AGBL1: variants seen among roughly 807,000 people sequenced by gnomAD.
AGBL1 encodes AGBL carboxypeptidase 1.
Under a neutral mutation model 118.9 loss-of-function variants are expected in AGBL1, and 130 were observed. The observed-to-expected ratio is 1.09, with a 90% CI of 0.95 to 1.26. The LOEUF (loss-of-function observed/expected upper bound fraction) is 1.26, where lower values mean the gene tolerates loss of function less well. Ranked by LOEUF, AGBL1 falls within the 50% of genes most tolerant of loss-of-function variation. AGBL1 has a pLI of 0.00. For missense variants in AGBL1, 1,584 were observed against 1,298.1 expected, an observed-to-expected ratio of 1.22 and a Z score of -3.38; for synonymous variants, 555 against 478.9, an observed-to-expected ratio of 1.16 and a Z score of -2.08.
rs892060250 is a variant in AGBL1, at chr15:86,910,182, G to C, written c.*2888G>C. 2.6e-5 allele frequency: 4 copies of C among 152,204 alleles called. No individual in the cohort carries two copies. Among genetic ancestry groups the C allele is most frequent in the African/African-American group, 4.8e-5 (2 of 41,458 alleles). The allele number at this position is 152,204 out of a possible 1,614,324, so 9.4% of individuals were successfully genotyped here. On this transcript the variant is annotated 3_prime_UTR_variant, in exon 23 of 23. Transcript: ENST00000614907. Reference sequence around the variant, plus strand: ...GTCTACCAAAAGAAGGTCATAATTTGGGTGATTCTTGAAGAATATGCAGGA... The same window carrying C: ...GTCTACCAAAAGAAGGTCATAATTTCGGTGATTCTTGAAGAATATGCAGGA...
chr15:86,205,042 G>A (rs1039881908), intron 5 of AGBL1, among the ~76,000 whole-genome samples: 2 of 152,168 alleles, frequency 1.3e-5, no homozygotes, highest in African/African-American at 4.8e-5. Context: ...TAATTTCACT[G>A]CTCTAAAAAT....
At chr15:86,753,817 C>T (rs533072778) in intron 22 of AGBL1, among the ~76,000 whole-genome samples, 19 of 152,102 alleles carry the variant, frequency 1.2e-4, no homozygotes, top group Non-Finnish European at 2.8e-4. Context: ...GAACACTGAA[C>T]ATGTGAATCA....
At chr15:86,743,706 T>G (rs2077713863) in intron 22 of AGBL1, among the ~76,000 whole-genome samples, 1 of 152,174 alleles carries the variant, frequency 6.6e-6, no homozygotes, top group African/African-American at 2.4e-5. Flanking sequence ...CCAAGGGGAT[T>G]CTGATGCGGA....
intron 19 of AGBL1, 95 bp from the exon 20 acceptor site, chr15:86,545,907 T>C (rs1409026063): frequency 7.0e-7 from 1 of 1,431,272 alleles, no homozygotes. Flanking sequence ...TAAACTTTCT[T>C]TGAGCCATGG....
intron 1 of AGBL1, among the ~76,000 whole-genome samples, chr15:86,122,654 C>T (rs796243224): frequency 8.5e-5 from 13 of 152,246 alleles, no homozygotes; most frequent in Non-Finnish European, 1.6e-4. Context: ...CTACAGGTTA[C>T]GTTTTCACTA....
chr15:86,612,938 C>T (rs1435011634), intron 21 of AGBL1, among the ~76,000 whole-genome samples: 2 of 152,180 alleles, frequency 1.3e-5, no homozygotes, highest in East Asian at 1.9e-4. Flanking sequence ...TCTTTGACTC[C>T]ACCTATGATC....
At chr15:86,366,268 C>T (rs572998237) in intron 17 of AGBL1, among the ~76,000 whole-genome samples, 1 of 152,078 alleles carries the variant, frequency 6.6e-6, no homozygotes, top group African/African-American at 2.4e-5. Flanking sequence ...AGTTAACACA[C>T]CAGAATTTGG....
chr15:86,636,059 TCTC>T (rs1255275961), intron 21 of AGBL1, among the ~76,000 whole-genome samples: 1 of 152,082 alleles, frequency 6.6e-6, no homozygotes, highest in Non-Finnish European at 1.5e-5. Context: ...CCCTAAATCA[TCTC>T]CTCCTCAGTG....
chr15:86,570,191 G>A (rs2083983585), intron 21 of AGBL1, among the ~76,000 whole-genome samples: 2 of 152,204 alleles, frequency 1.3e-5, no homozygotes, highest in Admixed American at 6.5e-5. Flanking sequence ...AAAATGGGGT[G>A]CACCCCAAAC....
At chr15:86,621,448 C>G (rs1334155644) in intron 21 of AGBL1, among the ~76,000 whole-genome samples, 1 of 152,226 alleles carries the variant, frequency 6.6e-6, no homozygotes, top group Non-Finnish European at 1.5e-5. Flanking sequence ...TGCCTAGCTT[C>G]TGGTAGTTGC....
intron 22 of AGBL1, among the ~76,000 whole-genome samples, chr15:86,832,928 T>A (rs1418261540): frequency 6.6e-6 from 1 of 152,202 alleles, no homozygotes; most frequent in African/African-American, 2.4e-5. Context: ...GGAAAGAGGT[T>A]TAATGGACTC....
chr15:87,029,612 T>C (rs1193920692), downstream of AGBL1, among the ~76,000 whole-genome samples: 1 of 151,972 alleles, frequency 6.6e-6, no homozygotes, highest in Non-Finnish European at 1.5e-5. Context: ...TATAGTTATA[T>C]GTCCATTTTA....
chr15:86,196,801 A>G (rs930674096), intron 5 of AGBL1, among the ~76,000 whole-genome samples: 1 of 151,872 alleles, frequency 6.6e-6, no homozygotes, highest in African/African-American at 2.4e-5. Flanking sequence ...TGGTGGTCTT[A>G]TAAGAAGAGA....
At chr15:86,554,742 T>G (rs2083709282) in intron 21 of AGBL1, among the ~76,000 whole-genome samples, 1 of 152,142 alleles carries the variant, frequency 6.6e-6, no homozygotes, top group South Asian at 2.1e-4. Flanking sequence ...CGTGCATGCT[T>G]TCCAATTTGG....
At chr15:86,534,016 A>T (rs112022682) in intron 19 of AGBL1, among the ~76,000 whole-genome samples, 1 of 108,738 alleles carries the variant, frequency 9.2e-6, no homozygotes, top group Non-Finnish European at 1.8e-5. Context: ...AATGCTAGAT[A>T]ACGAGTTAGT....
chr15:86,767,942 T>G (rs980486434), intron 22 of AGBL1, among the ~76,000 whole-genome samples: 1 of 151,966 alleles, frequency 6.6e-6, no homozygotes, highest in Non-Finnish European at 1.5e-5. Flanking sequence ...TTTCCTTGAT[T>G]AAACCATGAA....
In AGBL1 at chr15:86,298,246, A is replaced by ATATATATAT. The variant is rs1555462936; in HGVS notation, c.2374+2838_2374+2839insTATATATAT. Among the ~76,000 whole-genome samples, 137 of 69,800 alleles carry ATATATATAT rather than the reference A, an allele frequency of 2.0e-3. 6 individuals are homozygous for ATATATATAT. Among genetic ancestry groups the ATATATATAT allele is most frequent in the African/African-American group, 8.3e-3 (127 of 15,346 alleles). 45.8% of individuals were successfully genotyped at this position (69,800 alleles called of 152,430 possible). A position where few individuals can be genotyped will look rare whatever the true frequency, so the allele number is the denominator to read the frequency against. On this transcript the variant is annotated intron_variant, in intron 17 of 22. Transcript: ENST00000614907. ...GTATACAGGGTACGTGTCTGTGTAT[A>ATATATATAT]ATATATATATATATATATATATATA... is the stretch of plus-strand genomic sequence containing the variant.
chr15:86,608,597 C>T (rs762624790), intron 21 of AGBL1, among the ~76,000 whole-genome samples: 2 of 152,028 alleles, frequency 1.3e-5, no homozygotes, highest in Admixed American at 6.6e-5. Context: ...CCTGAGAGAC[C>T]ACTATATACG....
intron 5 of AGBL1, among the ~76,000 whole-genome samples, chr15:86,224,393 T>A (rs1186409281): frequency 6.6e-6 from 1 of 152,128 alleles, no homozygotes; most frequent in Non-Finnish European, 1.5e-5. Context: ...CCAACATAAC[T>A]ATTTTCCACC....
Sources: allele counts gnomAD v4.1 joint callset (sites outside exome capture counted in the v4.1 genomes callset), GRCh38; gene constraint gnomAD v4.1.1; transcripts MANE v1.5; gene names NCBI Gene and HGNC (gene_info 2026-07-23, HGNC 2026-07-21).